SVEP1: variants seen among roughly 807,000 people sequenced by gnomAD.
SVEP1 encodes the protein sushi, von Willebrand factor type A, EGF and pentraxin domain containing 1.
A neutral mutation model predicts 367.3 loss-of-function variants in SVEP1; 164 were observed. The observed-to-expected ratio is 0.45, with a 90% CI of 0.39 to 0.51. The LOEUF is 0.51. Ranked by LOEUF, SVEP1 falls within the 20% of genes least tolerant of loss-of-function variation. The probability of loss-of-function intolerance (pLI) is 0.00; values close to 1 mark genes in which losing one functional copy is unlikely to be tolerated. For synonymous variants in SVEP1, 1,666 were observed against 1,611.6 expected, an observed-to-expected ratio of 1.03 and a Z score of -0.81; for missense variants, 4,117 against 4,425.3, an observed-to-expected ratio of 0.93 and a Z score of 1.98.
At chr9:110,464,962 G>A (rs560704772) in intron 18 of SVEP1, among the ~76,000 whole-genome samples, 19 of 152,132 alleles carry the variant, frequency 1.2e-4, no homozygotes, top group Admixed American at 9.8e-4. Context: ...TTTTGTTTCT[G>A]TTTACATGTT....
At position 110,541,802 on chromosome 9, in the gene SVEP1, T is replaced by C. The variant is rs10817038; in HGVS notation, c.964+4313A>G. Among the ~76,000 whole-genome samples, 4 of 128,008 alleles carry C rather than the reference T, an allele frequency of 3.1e-5. 2 individuals carry two copies. Among genetic ancestry groups the C allele is most frequent in the African/African-American group, 1.1e-4 (4 of 35,156 alleles). The allele number at this position is 128,008 out of a possible 152,430, so 84.0% of individuals were successfully genotyped here. On this transcript the variant is annotated intron_variant, in intron 3 of 47. Coordinates refer to ENST00000374469, the MANE Select transcript of SVEP1 (RefSeq NM_153366.4). ...ATCTATATACATAGATATCTATATA[T>C]ATCTATATACATAGATATCTATATA...
At chr9:110,498,005 C>T (rs754561265) in intron 7 of SVEP1, among the ~76,000 whole-genome samples, 11 of 152,128 alleles carry the variant, frequency 7.2e-5, no homozygotes, top group African/African-American at 1.2e-4. Context: ...TTCATTCATG[C>T]TTAAACAATA....
chr9:110,502,382 G>A (rs147631127), intron 6 of SVEP1, among the ~76,000 whole-genome samples: 65 of 152,064 alleles, frequency 4.3e-4, no homozygotes, highest in African/African-American at 1.4e-3. Flanking sequence ...GATTACAGGC[G>A]TGAGCCACCT....
At chr9:110,431,740 A>C (rs1828352002) in intron 32 of SVEP1, among the ~76,000 whole-genome samples, 175 bp downstream of exon 32, 1 of 152,212 alleles carries the variant, frequency 6.6e-6, no homozygotes, top group African/African-American at 2.4e-5. Context: ...ATGCTACTTT[A>C]AAGCACTTTT....
At position 110,411,172 on chromosome 9, in the gene SVEP1, C is replaced by A; in HGVS notation, c.6539G>T (p.Gly2180Val). 6.2e-7 allele frequency: 1 copy of A among 1,613,986 alleles called. No homozygotes were observed. ...GGCTTCGCAGGTGCTCTTCTTTTCC[C>A]CTTTGATGTAGAACCCCTTGTTGCA... is the stretch of plus-strand genomic sequence containing the variant. ...YSCNKGFYIK[G>V]EKKSTCEATG... The change falls in exon 37 of 48, where the codon GGG (glycine) becomes GTG (valine). Residue 2180 changes from glycine to valine, a missense_variant. Physicochemically the swap from Gly to Val is moderately radical, Grantham distance 109. This residue lies in a region of SVEP1 where 1,765 missense variants were observed against 1,781.1 expected (regional missense o/e 0.99). Transcript: ENST00000374469.
chr9:110,509,714 T>G (rs1017397279), intron 5 of SVEP1, among the ~76,000 whole-genome samples: 2 of 152,170 alleles, frequency 1.3e-5, no homozygotes, highest in Non-Finnish European at 2.9e-5. Flanking sequence ...AGGTCATCAA[T>G]GTATATACTG....
intron 36 of SVEP1, among the ~76,000 whole-genome samples, chr9:110,417,025 T>C (rs1208175014): frequency 6.6e-6 from 1 of 152,026 alleles, no homozygotes; most frequent in African/African-American, 2.4e-5. Context: ...ATTAGACTCA[T>C]AAAGGAATTC....
chr9:110,469,145 T>C (rs1171670165), intron 16 of SVEP1, 44 bp from the exon 17 acceptor site: 4 of 1,544,402 alleles, frequency 2.6e-6, no homozygotes, highest in Non-Finnish European at 3.5e-6. Context: ...ACTACAACGG[T>C]GGAACACACT....
intron 40 of SVEP1, among the ~76,000 whole-genome samples, chr9:110,395,158 C>A (rs1488454080): frequency 6.6e-6 from 1 of 152,220 alleles, no homozygotes; most frequent in Non-Finnish European, 1.5e-5. Flanking sequence ...GATCTCTCAG[C>A]AGAAACTCTA....
rs775661951 is a variant in SVEP1, at chr9:110,408,665, T to C, written c.6935A>G (p.Lys2312Arg). ...WTCQKSGKWN[K>R]KSNPKCMPAK... is the part of the protein sequence containing the mutation. Reference sequence around the variant, plus strand: ...AGGCATGCACTTTGGATTTGACTTCTTATTCCATTTGCCAGATTTCTGACA... The same window carrying C: ...AGGCATGCACTTTGGATTTGACTTCCTATTCCATTTGCCAGATTTCTGACA... The change falls in exon 38 of 48, where the codon AAG becomes AGG. Residue 2312 changes from lysine to arginine, a missense_variant. Coordinates refer to ENST00000374469, the MANE Select transcript of SVEP1 (RefSeq NM_153366.4). 2 of 1,614,060 alleles carry C rather than the reference T, an allele frequency of 1.2e-6. No individual in the cohort carries two copies. Among genetic ancestry groups the C allele is most frequent in the Non-Finnish European group, 1.7e-6 (2 of 1,179,904 alleles).
intron 13 of SVEP1, among the ~76,000 whole-genome samples, chr9:110,479,084 G>GT (rs578150435): frequency 1.3e-5 from 2 of 151,742 alleles, no homozygotes; most frequent in Non-Finnish European, 2.9e-5. Flanking sequence ...TGCCTGGCTA[G>GT]TTTTTTTGTA....
chr9:110,413,379 T>C (rs1828072723), intron 36 of SVEP1, among the ~76,000 whole-genome samples: 1 of 126,148 alleles, frequency 7.9e-6, no homozygotes, highest in South Asian at 2.6e-4. Context: ...CATCACACTC[T>C]GGGGACTGTT....
At chr9:110,574,740 CTTCTTTTT>C (rs1830605001) in intron 1 of SVEP1, among the ~76,000 whole-genome samples, 1 of 106,332 alleles carries the variant, frequency 9.4e-6, no homozygotes, top group African/African-American at 3.2e-5. Flanking sequence ...TCCAGTCGAC[CTTCTTTTT>C]TTTTTTTTTT....
chr9:110,530,173 T>C (rs996866419), intron 3 of SVEP1, among the ~76,000 whole-genome samples: 6 of 152,224 alleles, frequency 3.9e-5, no homozygotes, highest in Non-Finnish European at 8.8e-5. Context: ...GAATTATGTA[T>C]GTTGAACCAT....
At chr9:110,491,590 G>GGGTGTGTGTGT in intron 8 of SVEP1, among the ~76,000 whole-genome samples, 1 of 147,732 alleles carries the variant, frequency 6.8e-6, no homozygotes, top group African/African-American at 2.5e-5. Flanking sequence ...TATAGAATGG[G>GGGTGTGTGTGT]GTGTGTGTGT....
rs201122073 is a variant in SVEP1, at chr9:110,407,506, G to A, written c.8094C>T (p.Ile2698=). ...CATTCCAAGTTCCATCTTCCTGGCA[G>A]ATCAGCACAGGGTTCCCCAGAAGTT... is the stretch of plus-strand genomic sequence containing the variant. The part of the protein sequence containing the change: ...GYELLGNPVL[I]CQEDGTWNGS... The change falls in exon 38 of 48, where the codon ATC becomes ATT. Residue 2698 remains isoleucine (I), a synonymous_variant. Coordinates refer to ENST00000374469, the MANE Select transcript of SVEP1 (RefSeq NM_153366.4). The A allele has an allele frequency of 1.3e-4, 204 of 1,613,998 alleles. No homozygotes were observed. The East Asian group carries it at 4.5e-3, about 35-fold the overall frequency.
At chr9:110,448,985 G>C (rs1184157505) in intron 24 of SVEP1, among the ~76,000 whole-genome samples, 2 of 152,182 alleles carry the variant, frequency 1.3e-5, no homozygotes, top group Admixed American at 1.3e-4. Context: ...AATTGGGCTA[G>C]ATCTTTTTTT....
chr9:110,529,556 C>A (rs7853091), intron 3 of SVEP1, among the ~76,000 whole-genome samples: 102,110 of 151,610 alleles, frequency 0.67, 35,393 homozygotes, highest in Admixed American at 0.77. Flanking sequence ...TTTTGTAGTT[C>A]TCCTTGTAGA....
intron 40 of SVEP1, among the ~76,000 whole-genome samples, chr9:110,390,057 A>C (rs1256446982): frequency 5.8e-5 from 7 of 120,140 alleles, no homozygotes; most frequent in Non-Finnish European, 5.2e-5. Context: ...ATACACGTAT[A>C]TATATAAGTA....
Sources: allele counts gnomAD v4.1 joint callset (sites outside exome capture counted in the v4.1 genomes callset), GRCh38; gene constraint gnomAD v4.1.1; regional missense constraint gnomAD v4.1.1; transcripts MANE v1.5; gene names NCBI Gene and HGNC (gene_info 2026-07-23, HGNC 2026-07-21).